Variants in GAD2 observed in about 807,000 individuals in gnomAD.
GAD2 encodes the protein glutamate decarboxylase 2, also known as 65 kDa glutamic acid decarboxylase.
Under a neutral mutation model 80.1 loss-of-function variants are expected in GAD2, and 22 were observed. The ratio of observed to expected loss-of-function variants is 0.27; its 90% CI spans 0.20 to 0.39. The LOEUF is 0.39. Ranked by LOEUF, GAD2 falls within the 10% of genes least tolerant of loss-of-function variation. The probability of loss-of-function intolerance (pLI) is 1.00; values close to 1 mark genes in which losing one functional copy is unlikely to be tolerated. For synonymous variants in GAD2, 274 were observed against 256.9 expected (o/e 1.07, Z -0.64); for missense variants, 624 against 738.4 (o/e 0.85, Z 1.80).
intron 6 of GAD2, among the ~76,000 whole-genome samples, chr10:26,225,156 G>A (rs1222475470): frequency 1.3e-5 from 2 of 152,198 alleles, no homozygotes; most frequent in African/African-American, 4.8e-5. Context: ...GACAGAGAAC[G>A]CTTTGGGAGA....
rs777413313 is a variant in GAD2, at chr10:26,270,678, C to A, written c.1014C>A (p.Thr338=). ...TCCTCGTGAGTGCCACAGCTGGAAC[C>A]ACCGTGTACGGAGCATTTGACCCCC... The part of the protein sequence containing the change: ...VPFLVSATAG[T]TVYGAFDPLL... Residue 338 remains threonine, a synonymous_variant, in exon 10 of 16, where the codon ACC becomes ACA. Coordinates refer to ENST00000376261, the MANE Select transcript of GAD2 (RefSeq NM_001134366.2). 5 of 1,614,134 alleles carry A rather than the reference C, an allele frequency of 3.1e-6. No individual in the cohort carries two copies. The South Asian group carries it at 3.3e-5, about 11-fold the overall frequency.
At chr10:26,231,857 C>T (rs1844606660) in intron 7 of GAD2, among the ~76,000 whole-genome samples, 1 of 152,164 alleles carries the variant, frequency 6.6e-6, no homozygotes. Flanking sequence ...TTCTCTCTCT[C>T]TCACCTCTAC....
intron 8 of GAD2, among the ~76,000 whole-genome samples, chr10:26,254,203 A>AT (rs1488587258): frequency 2.0e-5 from 3 of 152,004 alleles, no homozygotes; most frequent in Non-Finnish European, 2.9e-5. Context: ...CGCCTGGCTA[A>AT]TTTTTTTATT....
intron 14 of GAD2, 74 bp from the exon 15 acceptor site, chr10:26,292,827 TC>T: frequency 8.2e-7 from 1 of 1,220,192 alleles, no homozygotes; most frequent in East Asian, 2.3e-5. Context: ...GCTGAATACA[TC>T]GATTTGAAAT....
chr10:26,278,134 G>A (rs1170107694), intron 11 of GAD2, among the ~76,000 whole-genome samples: 1 of 152,204 alleles, frequency 6.6e-6, no homozygotes, highest in Non-Finnish European at 1.5e-5. Flanking sequence ...GGCCTTGGCA[G>A]CTTCTCTTCT....
At chr10:26,270,119 G>A (rs1236908209) in intron 9 of GAD2, among the ~76,000 whole-genome samples, 1 of 152,126 alleles carries the variant, frequency 6.6e-6, no homozygotes, top group African/African-American at 2.4e-5. Context: ...CTAGTTAGAC[G>A]GATAAAAGTC....
intron 7 of GAD2, among the ~76,000 whole-genome samples, chr10:26,235,844 C>A (rs1003125520): frequency 8.5e-5 from 13 of 152,202 alleles, no homozygotes; most frequent in African/African-American, 3.1e-4. Flanking sequence ...GAGCTCAATT[C>A]CAAATTCCTC....
In GAD2 at chr10:26,292,461, C is replaced by A. The variant is rs1303731926; in HGVS notation, c.1387-4C>A. The A allele has an allele frequency of 3.7e-6, 6 of 1,610,770 alleles. No homozygotes were observed. Among genetic ancestry groups the A allele is most frequent in the Non-Finnish European group, 5.1e-6 (6 of 1,177,026 alleles). On this transcript the variant is annotated splice_polypyrimidine_tract_variant and splice_region_variant and intron_variant, in intron 13 of 15. Transcript: ENST00000376261. ...TTAATGAGCTGTGTCCTTCTCTTAC[C>A]TAGGGGACTACCGGGTTTGAAGCGC...
Position 26,237,284 on chromosome 10 carries a change from A to T in GAD2, c.840+7507A>T, listed in dbSNP as rs1385719049. 6.6e-5 allele frequency among the ~76,000 whole-genome samples: 10 copies of T among 152,158 alleles called. 1 individual carries two copies. The highest frequency in any genetic ancestry group is 6.5e-4 in the Admixed American group (10 of 15,282). On this transcript the variant is annotated intron_variant, in intron 7 of 15. Coordinates refer to ENST00000376261, the MANE Select transcript of GAD2 (RefSeq NM_001134366.2). ...TGGCTGAACAGACTTATTGTTCTCC[A>T]GGTTAGTGATATATCCTGTGAGCTT...
Position 26,217,836 on chromosome 10 carries a change from A to T in GAD2, c.137-6A>T. The T allele has an allele frequency of 6.2e-7, 1 of 1,601,290 alleles. No homozygotes were observed. On this transcript the variant is annotated splice_region_variant and splice_polypyrimidine_tract_variant and intron_variant, in intron 2 of 15. Transcript: ENST00000376261. The surrounding 1 kb of genome is among the most constrained non-coding windows in gnomAD (Gnocchi z 4.9). ...GACGAGGCCCGCGTTCGGTGTCCTT[A>T]CCCAGCCCTGCTCTACGGAGACGCC...
intron 8 of GAD2, among the ~76,000 whole-genome samples, chr10:26,248,087 C>T (rs1417152950): frequency 6.6e-6 from 1 of 152,112 alleles, no homozygotes; most frequent in African/African-American, 2.4e-5. Context: ...AATTGAGCAG[C>T]TCATGCTTAA....
chr10:26,245,947 T>C lies in GAD2; in HGVS notation c.867T>C (p.Ala289=). ...EHSHFSLKKG[A]AALGIGTDSV... ...GTCATTTTTCTCTCAAGAAGGGAGCTGCAGCCTTAGGGATTGGAACAGACA... is the reference window on the plus strand; with the variant it reads ...GTCATTTTTCTCTCAAGAAGGGAGCCGCAGCCTTAGGGATTGGAACAGACA... Residue 289 remains alanine, a synonymous_variant, in exon 8 of 16, where the codon GCT becomes GCC. Coordinates refer to ENST00000376261, the MANE Select transcript of GAD2 (RefSeq NM_001134366.2). 1 of 1,614,092 alleles carries C rather than the reference T, an allele frequency of 6.2e-7. No homozygotes were observed. Among genetic ancestry groups the C allele is most frequent in the Non-Finnish European group, 8.5e-7 (1 of 1,179,924 alleles).
intron 11 of GAD2, among the ~76,000 whole-genome samples, chr10:26,274,087 T>A (rs1411447707): frequency 3.3e-5 from 5 of 152,136 alleles, no homozygotes; most frequent in African/African-American, 1.2e-4. Flanking sequence ...AAGGATAATA[T>A]CCACTGCTTA....
chr10:26,290,401 A>G (rs572903689), intron 13 of GAD2, among the ~76,000 whole-genome samples: 2 of 152,358 alleles, frequency 1.3e-5, no homozygotes, highest in African/African-American at 4.8e-5. Flanking sequence ...CCTTTGAGAT[A>G]GGACTTGAAC....
chr10:26,232,634 C>G lies in GAD2; in HGVS notation c.840+2857C>G, dbSNP rs531976439. Among the ~76,000 whole-genome samples the G allele has an allele frequency of 3.3e-5, 5 of 152,040 alleles. No homozygotes were observed. In the South Asian group the frequency reaches 1.0e-3, roughly 32 times the overall value. On this transcript the variant is annotated intron_variant, in intron 7 of 15. Coordinates refer to ENST00000376261, the MANE Select transcript of GAD2 (RefSeq NM_001134366.2). ...TGCCTCAGCCTCTGGAGTAGAGTAG[C>G]TGGGACTACAGGCACGTGCCGCCAC...
At chr10:26,281,147 G>C (rs1483842554) in intron 12 of GAD2, 60 bp downstream of exon 12, 12 of 1,221,378 alleles carry the variant, frequency 9.8e-6, no homozygotes, top group Non-Finnish European at 1.3e-5. Context: ...TCTTTATGCG[G>C]TTGACTTTCT....
At position 26,221,404 on chromosome 10, in the gene GAD2, G is replaced by A. The variant is rs542778821; in HGVS notation, c.520+2128G>A. Among the ~76,000 whole-genome samples, 9 of 152,302 alleles carry A rather than the reference G, an allele frequency of 5.9e-5. No homozygotes were observed. In the South Asian group the frequency reaches 1.5e-3, roughly 25 times the overall value. ...TCTGTAAAAAGAAATGTTGGAACAC[G>A]GAAAACTGAGCAGAGAATGATAGAA... On this transcript the variant is annotated intron_variant, in intron 4 of 15. Coordinates refer to ENST00000376261, the MANE Select transcript of GAD2 (RefSeq NM_001134366.2).
intron 15 of GAD2, among the ~76,000 whole-genome samples, chr10:26,294,332 A>G (rs1254234609): frequency 1.3e-5 from 2 of 151,984 alleles, no homozygotes; most frequent in African/African-American, 4.8e-5. Context: ...AACCTTCACT[A>G]AAGCTTTTAT....
chr10:26,216,972 TC>T lies in GAD2; in HGVS notation c.76+89del. 1.7e-6 allele frequency: 2 copies of T among 1,192,976 alleles called. No individual in the cohort carries two copies. The highest frequency in any genetic ancestry group is 2.4e-6 in the Non-Finnish European group (2 of 823,650). 73.9% of individuals were successfully genotyped at this position (1,192,976 alleles called of 1,614,324 possible). ...CTACGGAGAAGACGAAGGAGGTTTTTCCACCTGCAACAGGAAACTTCTTCGG... is the reference window on the plus strand; with the variant it reads ...CTACGGAGAAGACGAAGGAGGTTTTTCACCTGCAACAGGAAACTTCTTCGG... On this transcript the variant is annotated intron_variant, in intron 1 of 15. Coordinates refer to ENST00000376261, the MANE Select transcript of GAD2 (RefSeq NM_001134366.2). This position sits in a 1 kb window ranked among gnomAD's most constrained non-coding sequence, Gnocchi z 4.7.
Sources: allele counts gnomAD v4.1 joint callset (sites outside exome capture counted in the v4.1 genomes callset), GRCh38; gene constraint gnomAD v4.1.1; non-coding constraint Gnocchi (gnomAD v3.1); transcripts MANE v1.5; gene names NCBI Gene and HGNC (gene_info 2026-07-23, HGNC 2026-07-21).